RGS7BP: variants seen among roughly 807,000 people sequenced by gnomAD.
RGS7BP encodes regulator of G protein signaling 7 binding protein.
Under a neutral mutation model 31.3 loss-of-function variants are expected in RGS7BP, and 9 were observed. That is an observed-to-expected ratio of 0.29 (90% CI 0.17 to 0.50). The LOEUF is 0.50. Among genes scored for constraint, RGS7BP ranks in the 20% least tolerant of loss-of-function variants. The probability of loss-of-function intolerance (pLI) is 0.98; values close to 1 mark genes in which losing one functional copy is unlikely to be tolerated. For missense variants in RGS7BP, 274 were observed against 322.0 expected (o/e 0.85, Z 1.14); for synonymous variants, 115 against 120.1 (o/e 0.96, Z 0.28).
intron 2 of RGS7BP, among the ~76,000 whole-genome samples, chr5:64,555,785 A>T (rs1351800706): frequency 6.6e-6 from 1 of 152,190 alleles, no homozygotes; most frequent in African/African-American, 2.4e-5. Flanking sequence ...CAAAATTTAA[A>T]AACATTCAGT....
chr5:64,573,908 T>C (rs1742358256), intron 2 of RGS7BP, among the ~76,000 whole-genome samples: 1 of 152,176 alleles, frequency 6.6e-6, no homozygotes, highest in Non-Finnish European at 1.5e-5. Flanking sequence ...TATACCATAA[T>C]ATGTACAATT....
intron 2 of RGS7BP, among the ~76,000 whole-genome samples, chr5:64,562,887 G>T (rs775904806): frequency 1.3e-5 from 2 of 152,134 alleles, no homozygotes; most frequent in African/African-American, 2.4e-5. Flanking sequence ...CAGTAAGCTA[G>T]GTGCTAGGGA....
chr5:64,567,721 T>G (rs531056693), intron 2 of RGS7BP, among the ~76,000 whole-genome samples: 1 of 152,282 alleles, frequency 6.6e-6, no homozygotes, highest in South Asian at 2.1e-4. Context: ...CATCACTAAC[T>G]TAATGACATA....
intron 2 of RGS7BP, among the ~76,000 whole-genome samples, chr5:64,551,760 GTTA>G: frequency 6.6e-6 from 1 of 152,162 alleles, no homozygotes; most frequent in Non-Finnish European, 1.5e-5. Flanking sequence ...ATGTTAAGCA[GTTA>G]TTAATAATTA....
intron 3 of RGS7BP, among the ~76,000 whole-genome samples, chr5:64,592,088 GTCGGTACTA>G (rs1476381268): frequency 2.0e-5 from 3 of 152,166 alleles, no homozygotes; most frequent in Non-Finnish European, 4.4e-5. Flanking sequence ...CTAACATAAA[GTCGGTACTA>G]TCGGTAAATG....
intron 3 of RGS7BP, among the ~76,000 whole-genome samples, chr5:64,579,543 CAAAAAAAAAAAAAA>C (rs34003776): frequency 1.9e-5 from 1 of 53,310 alleles, no homozygotes; most frequent in Non-Finnish European, 3.1e-5. Context: ...GACTCCATCT[CAAAAAAAAAAAAAA>C]AAAAAAAAAA....
chr5:64,548,165 CAAT>C (rs1303685810), intron 2 of RGS7BP, among the ~76,000 whole-genome samples: 1 of 151,940 alleles, frequency 6.6e-6, no homozygotes, highest in African/African-American at 2.4e-5. Flanking sequence ...ATATTATATA[CAAT>C]ATTGTCAATA....
At chr5:64,593,040 T>C (rs1742962849) in intron 3 of RGS7BP, among the ~76,000 whole-genome samples, 1 of 152,216 alleles carries the variant, frequency 6.6e-6, no homozygotes, top group East Asian at 1.9e-4. Flanking sequence ...GCTTAATTAA[T>C]TTCCCCCCAA....
Position 64,506,803 on chromosome 5 carries a change from G to A in RGS7BP, c.165+14G>A. On this transcript the variant is annotated intron_variant, in intron 1 of 5. Coordinates refer to ENST00000334025, the MANE Select transcript of RGS7BP (RefSeq NM_001029875.3). The surrounding 1 kb of genome is among the most constrained non-coding windows in gnomAD (Gnocchi z 4.6). Reference sequence around the variant, plus strand: ...GACTGCAAGATGGTGGGTGAAAACTGCGCCTCTTTTTTTTTTTTTTTAATT... The same window carrying A: ...GACTGCAAGATGGTGGGTGAAAACTACGCCTCTTTTTTTTTTTTTTTAATT... 6.6e-7 allele frequency: 1 copy of A among 1,507,808 alleles called. No individual in the cohort carries two copies. The highest frequency in any genetic ancestry group is 8.9e-7 in the Non-Finnish European group (1 of 1,120,992). The allele number at this position is 1,507,808 out of a possible 1,614,324, so 93.4% of individuals were successfully genotyped here.
At chr5:64,567,782 AT>A (rs1464647977) in intron 2 of RGS7BP, among the ~76,000 whole-genome samples, 2 of 152,210 alleles carry the variant, frequency 1.3e-5, no homozygotes, top group Non-Finnish European at 2.9e-5. Context: ...AGTTTAATGT[AT>A]TGACCCCTAA....
At chr5:64,538,374 A>C (rs1741426501) in intron 2 of RGS7BP, among the ~76,000 whole-genome samples, 1 of 151,710 alleles carries the variant, frequency 6.6e-6, no homozygotes, top group Non-Finnish European at 1.5e-5. Context: ...TCCCCTTTTC[A>C]TAGCCCCGGC....
intron 2 of RGS7BP, among the ~76,000 whole-genome samples, chr5:64,545,572 C>G (rs941765884): frequency 1.3e-5 from 2 of 152,090 alleles, no homozygotes; most frequent in Non-Finnish European, 2.9e-5. Flanking sequence ...TAGGAGGATG[C>G]CTGCATAATT....
At chr5:64,594,159 G>A (rs1470662103) in intron 3 of RGS7BP, among the ~76,000 whole-genome samples, 1 of 152,154 alleles carries the variant, frequency 6.6e-6, no homozygotes, top group Non-Finnish European at 1.5e-5. Context: ...TCAAGGTCAG[G>A]CTTTCTCCTC....
Position 64,609,216 on chromosome 5 carries a change from A to G in RGS7BP, c.738A>G (p.Arg246=). Residue 246 remains arginine, a synonymous_variant, in exon 6 of 6, where the codon AGA becomes AGG. Transcript: ENST00000334025. Reference sequence around the variant, plus strand: ...ACCCCCTGGTGAGAAGACGGAAGAGAAGGTTCTTTGGGCTGTGTTGTCTCA... The same window carrying G: ...ACCCCCTGGTGAGAAGACGGAAGAGGAGGTTCTTTGGGCTGTGTTGTCTCA... ...TPYPLVRRRK[R]RFFGLCCLIS... 6.2e-7 allele frequency: 1 copy of G among 1,611,396 alleles called. No individual in the cohort carries two copies. Among genetic ancestry groups the G allele is most frequent in the Non-Finnish European group, 8.5e-7 (1 of 1,177,904 alleles).
chr5:64,590,773 C>T (rs1404015859), intron 3 of RGS7BP, among the ~76,000 whole-genome samples: 1 of 151,920 alleles, frequency 6.6e-6, no homozygotes, highest in African/African-American at 2.4e-5. Flanking sequence ...GGAATTGCCA[C>T]AAGGATAAAC....
At chr5:64,518,277 C>T (rs904437260) in intron 2 of RGS7BP, among the ~76,000 whole-genome samples, 2 of 150,924 alleles carry the variant, frequency 1.3e-5, no homozygotes, top group African/African-American at 4.9e-5. Context: ...TTTCTGGGAA[C>T]GTATTCATAG....
At chr5:64,513,864 C>A (rs1016159372) in intron 2 of RGS7BP, among the ~76,000 whole-genome samples, 2 of 152,188 alleles carry the variant, frequency 1.3e-5, no homozygotes, top group Non-Finnish European at 2.9e-5. Context: ...AATATACTAT[C>A]CATAAAGATA....
chr5:64,575,697 C>T, intron 2 of RGS7BP, 77 bp from the exon 3 acceptor site: 2 of 1,501,928 alleles, frequency 1.3e-6, no homozygotes, highest in Non-Finnish European at 1.8e-6. Flanking sequence ...GCATTTTTCC[C>T]TCTCGGAGCT....
chr5:64,506,680 C>G lies in RGS7BP; in HGVS notation c.56C>G (p.Ser19Trp), dbSNP rs1017776754. 3.1e-6 allele frequency: 5 copies of G among 1,613,148 alleles called. No homozygotes were observed. Among genetic ancestry groups the G allele is most frequent in the East Asian group, 2.2e-5 (1 of 44,836 alleles). ...KKRPSRSTRS[S>W]IFQISKPPLQ... ...CGCCCCAGCCGGTCCACCCGCTCCTCGATCTTCCAGATCAGCAAGCCCCCG... is the reference window on the plus strand; with the variant it reads ...CGCCCCAGCCGGTCCACCCGCTCCTGGATCTTCCAGATCAGCAAGCCCCCG... Residue 19 changes from serine to tryptophan, a missense_variant, in exon 1 of 6, where the codon TCG becomes TGG. Physicochemically the swap from Ser to Trp is radical, Grantham distance 177. Around this residue, in one of 3 missense-constraint regions of RGS7BP, gnomAD observed 149 missense variants for 152.6 expected, o/e 0.98. Transcript: ENST00000334025. The surrounding 1 kb of genome is among the most constrained non-coding windows in gnomAD (Gnocchi z 4.6).
Sources: allele counts gnomAD v4.1 joint callset (sites outside exome capture counted in the v4.1 genomes callset), GRCh38; gene constraint gnomAD v4.1.1; regional missense constraint gnomAD v4.1.1; non-coding constraint Gnocchi (gnomAD v3.1); transcripts MANE v1.5; gene names NCBI Gene and HGNC (gene_info 2026-07-23, HGNC 2026-07-21).